ADGRG5: variants seen among roughly 807,000 people sequenced by gnomAD.
The protein encoded by ADGRG5 is G protein-coupled receptor 114.
Under a neutral mutation model 53.2 loss-of-function variants are expected in ADGRG5, and 37 were observed. That is an observed-to-expected ratio of 0.70 (90% confidence interval 0.53 to 0.91). The LOEUF (loss-of-function observed/expected upper bound fraction) is 0.91, where lower values mean the gene tolerates loss of function less well. Ranked by LOEUF, ADGRG5 falls within the 40% of genes least tolerant of loss-of-function variation. The pLI is 0.00. For synonymous variants in ADGRG5, 277 were observed against 290.4 expected, an observed-to-expected ratio of 0.95 and a Z score of 0.47; for missense variants, 614 against 675.8, an observed-to-expected ratio of 0.91 and a Z score of 1.01.
At chr16:57,575,129 CAGG>C in intron 11 of ADGRG5, 37 bp downstream of exon 11, 1 of 1,586,084 alleles carries the variant, frequency 6.3e-7, no homozygotes, top group Non-Finnish European at 8.6e-7. Flanking sequence ...AGCTACCTGG[CAGG>C]GGGTGTATGG....
chr16:57,534,661 T>C, the ADGRG5 span, among the ~76,000 whole-genome samples: 1 of 152,068 alleles, frequency 6.6e-6, no homozygotes, highest in Non-Finnish European at 1.5e-5. Flanking sequence ...GCGTGATGGA[T>C]GGAAGGTACC....
chr16:57,565,192 C>T lies in ADGRG5; in HGVS notation c.546+42C>T, dbSNP rs375265059. 7.0e-6 allele frequency: 8 copies of T among 1,143,244 alleles called. No homozygotes were observed. In the African/African-American group the frequency reaches 1.1e-4, roughly 15 times the overall value. 70.8% of individuals were successfully genotyped at this position (1,143,244 alleles called of 1,614,324 possible). ...CCCCGTTTCCACTGCACCCCTGCCC[C>T]TCTGTGACTCTCCTGTTGAACACTG... On this transcript the variant is annotated intron_variant, in intron 6 of 11. Transcript: ENST00000349457.
chr16:57,551,668 C>G (rs78795440), intron 1 of ADGRG5, among the ~76,000 whole-genome samples: 1 of 152,194 alleles, frequency 6.6e-6, no homozygotes, highest in East Asian at 1.9e-4. Context: ...CCCTCAAAGT[C>G]GTCCATGAAG....
intron 1 of ADGRG5, among the ~76,000 whole-genome samples, chr16:57,558,308 A>G (rs1432368513): frequency 6.6e-6 from 1 of 152,168 alleles, no homozygotes; most frequent in African/African-American, 2.4e-5. Flanking sequence ...CCTTCTGTAT[A>G]CTACAGGCTC....
At chr16:57,537,715 G>A (rs1172622507), upstream of ADGRG5, among the ~76,000 whole-genome samples, 3 of 152,002 alleles carry the variant, frequency 2.0e-5, no homozygotes, top group Admixed American at 6.5e-5. Context: ...TGTGGGCAGC[G>A]GCTGTTCCAT....
chr16:57,569,686 A>G (rs574581134), intron 9 of ADGRG5, among the ~76,000 whole-genome samples: 7 of 142,718 alleles, frequency 4.9e-5, no homozygotes, highest in African/African-American at 1.8e-4. Context: ...CTCTGTCACC[A>G]CCATCATCAC....
Position 57,563,192 on chromosome 16 carries a change from G to A in ADGRG5, c.242G>A (p.Ser81Asn). The stretch of plus-strand genomic sequence containing the variant: ...ATCCAGTCTCTGGCCTTCAAGCTGA[G>A]CTGTGACTTCTCTGGCCTCTCGCTG... Reference protein sequence around the residue: ...PTIQSLAFKLSCDFSGLSLTS... With the variant: ...PTIQSLAFKLNCDFSGLSLTS... Residue 81 changes from serine to asparagine, a missense_variant, in exon 4 of 12, where the codon AGC becomes AAC. Coordinates refer to ENST00000349457, the MANE Select transcript of ADGRG5 (RefSeq NM_001304376.3). 1 of 1,614,186 alleles carries A rather than the reference G, an allele frequency of 6.2e-7. No individual in the cohort carries two copies. The highest frequency in any genetic ancestry group is 8.5e-7 in the Non-Finnish European group (1 of 1,180,020).
upstream of ADGRG5, among the ~76,000 whole-genome samples, chr16:57,539,295 A>G (rs553070646): frequency 5.9e-5 from 9 of 152,336 alleles, 1 homozygote; most frequent in South Asian, 1.9e-3. Flanking sequence ...GACAGAAAAT[A>G]GAACGGTGAT....
At chr16:57,562,964 T>C in intron 3 of ADGRG5, 127 bp from the exon 4 acceptor site, 1 of 802,378 alleles carries the variant, frequency 1.2e-6, no homozygotes, top group South Asian at 1.5e-5. Flanking sequence ...GTGTGTGCAG[T>C]GGTCTGGAGG....
the ADGRG5 span, among the ~76,000 whole-genome samples, chr16:57,536,250 C>T: frequency 1.3e-5 from 2 of 151,904 alleles, no homozygotes; most frequent in Non-Finnish European, 2.9e-5. Flanking sequence ...TCCGGAGGCG[C>T]CTCCCCTCCC....
Position 57,575,536 on chromosome 16 carries a change from T to C in ADGRG5, c.1585T>C (p.Ter529GlnextTer112). 6.2e-7 allele frequency: 1 copy of C among 1,612,616 alleles called. No homozygotes were observed. The highest frequency in any genetic ancestry group is 8.5e-7 in the Non-Finnish European group (1 of 1,178,646). Residue 529 changes from the stop codon to glutamine, a stop_lost, in exon 12 of 12, where the codon TAG becomes CAG. Transcript: ENST00000349457. ...CTTCAGCTCCTCCCAAACAACACAG[T>C]AGTCCGGGCCTCCTGGCCTGGAATC... ...EAFSSSQTTQ* is the reference protein window; with the variant it reads ...EAFSSSQTTQQ
intron 1 of ADGRG5, among the ~76,000 whole-genome samples, chr16:57,560,545 C>G (rs1270627539): frequency 6.6e-6 from 1 of 152,088 alleles, no homozygotes; most frequent in Non-Finnish European, 1.5e-5. Context: ...GGGGCATAAC[C>G]CTGGTTGCTG....
the ADGRG5 span, among the ~76,000 whole-genome samples, chr16:57,535,509 G>A: frequency 6.6e-6 from 1 of 152,132 alleles, no homozygotes; most frequent in Admixed American, 6.5e-5. Context: ...CTGGATCTTA[G>A]CCACCTGAGG....
At chr16:57,568,146 G>C (rs114267963) in intron 9 of ADGRG5, 22 bp downstream of exon 9, 37 of 1,610,706 alleles carry the variant, frequency 2.3e-5, no homozygotes, top group Non-Finnish European at 3.1e-5. Context: ...ATCTCTCCTC[G>C]CCTCCTCAGA....
chr16:57,536,398 C>T, the ADGRG5 span: 2 of 152,320 alleles, frequency 1.3e-5, no homozygotes, highest in African/African-American at 4.8e-5. Flanking sequence ...CTCCAGCACG[C>T]CCCACAACTT....
At chr16:57,575,185 C>A in intron 11 of ADGRG5, 93 bp downstream of exon 11, 1 of 1,384,906 alleles carries the variant, frequency 7.2e-7, no homozygotes, top group Non-Finnish European at 9.8e-7. Context: ...GTGAAGGGGG[C>A]GAGTGGGGGA....
intron 11 of ADGRG5, 76 bp from the exon 12 acceptor site, chr16:57,575,362 C>A: frequency 7.2e-7 from 1 of 1,392,818 alleles, no homozygotes; most frequent in Non-Finnish European, 1.0e-6. Context: ...GGGAGGCCAG[C>A]TCGCTGCAGC....
chr16:57,536,310 G>A, the ADGRG5 span, among the ~76,000 whole-genome samples: 16 of 152,106 alleles, frequency 1.1e-4, no homozygotes, highest in African/African-American at 3.6e-4. Context: ...TCCGGGGGCT[G>A]AGGGAGGCCG....
At chr16:57,571,304 A>G (rs2033350082) in intron 10 of ADGRG5, among the ~76,000 whole-genome samples, 1 of 152,032 alleles carries the variant, frequency 6.6e-6, no homozygotes, top group South Asian at 2.1e-4. Context: ...TGCCAGCCCT[A>G]TTTTACAGTT....
Sources: allele counts gnomAD v4.1 joint callset (sites outside exome capture counted in the v4.1 genomes callset), GRCh38; gene constraint gnomAD v4.1.1; transcripts MANE v1.5; gene names NCBI Gene and HGNC (gene_info 2026-07-23, HGNC 2026-07-21).